TTC39C: variants seen among roughly 807,000 people sequenced by gnomAD.
TTC39C encodes the protein tetratricopeptide repeat protein 39C.
TTC39C carries 33 observed loss-of-function variants against 76.3 expected under a neutral mutation model. That is an observed-to-expected ratio of 0.43 (90% CI 0.33 to 0.58). TTC39C has a LOEUF of 0.58. Among genes scored for constraint, TTC39C ranks in the 20% least tolerant of loss-of-function variants. The probability of loss-of-function intolerance (pLI) is 0.04; values close to 1 mark genes in which losing one functional copy is unlikely to be tolerated. For synonymous variants in TTC39C, 254 were observed against 260.6 expected (o/e 0.97, Z 0.24); for missense variants, 595 against 701.4 (o/e 0.85, Z 1.71).
intron 1 of TTC39C, among the ~76,000 whole-genome samples, chr18:24,046,541 C>T (rs1347551611): frequency 5.3e-5 from 8 of 151,780 alleles, no homozygotes; most frequent in Non-Finnish European, 1.2e-4. Flanking sequence ...TCCAGCACAC[C>T]AGAGTAAGCA....
At chr18:24,118,323 G>A (rs1304976230) in intron 8 of TTC39C, 91 bp downstream of exon 8, 3 of 978,214 alleles carry the variant, frequency 3.1e-6, no homozygotes, top group Non-Finnish European at 4.6e-6. Flanking sequence ...GCAAGAGGAA[G>A]CAAAAGTTGT....
At chr18:24,117,020 GT>G (rs978817223) in intron 7 of TTC39C, among the ~76,000 whole-genome samples, 2 of 151,678 alleles carry the variant, frequency 1.3e-5, no homozygotes, top group Non-Finnish European at 2.9e-5. Context: ...GTTTCACCGT[GT>G]TGCCTAAGCT....
At chr18:24,008,321 T>C (rs1396441820) in intron 1 of TTC39C, among the ~76,000 whole-genome samples, 10 of 152,206 alleles carry the variant, frequency 6.6e-5, no homozygotes, top group Non-Finnish European at 1.5e-4. Flanking sequence ...CAAAATAGAT[T>C]CATATACTTT....
At chr18:24,126,745 T>A (rs558744423) in intron 10 of TTC39C, among the ~76,000 whole-genome samples, 1 of 151,992 alleles carries the variant, frequency 6.6e-6, no homozygotes, top group Non-Finnish European at 1.5e-5. Context: ...ACTCCTGGGC[T>A]CAAGTGGTCC....
intron 4 of TTC39C, among the ~76,000 whole-genome samples, chr18:24,071,533 T>G (rs1261930826): frequency 6.6e-6 from 1 of 152,214 alleles, no homozygotes; most frequent in Non-Finnish European, 1.5e-5. Flanking sequence ...TTTCTCTAAT[T>G]TTTTGCAAAA....
At chr18:24,029,703 C>T (rs185838722) in intron 1 of TTC39C, among the ~76,000 whole-genome samples, 1 of 151,642 alleles carries the variant, frequency 6.6e-6, no homozygotes, top group Admixed American at 6.6e-5. Context: ...CATTGTTATG[C>T]CTTTGTGTCC....
chr18:24,107,384 C>G (rs1471080778), intron 6 of TTC39C, among the ~76,000 whole-genome samples: 1 of 152,116 alleles, frequency 6.6e-6, no homozygotes, highest in African/African-American at 2.4e-5. Flanking sequence ...CCTATTCTAA[C>G]TGATATGTTC....
chr18:24,029,689 T>TTG (rs10634038), intron 1 of TTC39C, among the ~76,000 whole-genome samples: 143,509 of 151,980 alleles, frequency 0.94, 68,152 homozygotes, highest in East Asian at 1. Context: ...CCAAAGTCTA[T>TTG]TGTCATTGTT....
chr18:24,016,005 C>G (rs1029764084), intron 1 of TTC39C, among the ~76,000 whole-genome samples: 9 of 152,170 alleles, frequency 5.9e-5, no homozygotes, highest in Admixed American at 5.2e-4. Flanking sequence ...TATGGAGACC[C>G]TGTAGTTTGG....
At chr18:24,061,279 C>T (rs1427106882) in intron 1 of TTC39C, among the ~76,000 whole-genome samples, 3 of 150,984 alleles carry the variant, frequency 2.0e-5, no homozygotes, top group Non-Finnish European at 4.4e-5. Context: ...TTCACTCACT[C>T]CATTTTTTGT....
intron 1 of TTC39C, among the ~76,000 whole-genome samples, chr18:23,998,330 A>C (rs1027892710): frequency 3.3e-5 from 5 of 152,202 alleles, no homozygotes; most frequent in Non-Finnish European, 7.3e-5. Context: ...ACCTAATTTT[A>C]AACAGAAACT....
chr18:24,029,013 G>A (rs537897516), intron 1 of TTC39C, among the ~76,000 whole-genome samples: 22 of 152,030 alleles, frequency 1.4e-4, no homozygotes, highest in Admixed American at 9.8e-4. Flanking sequence ...ATGGGCCACC[G>A]CGCCCCTACG....
At chr18:24,095,967 GCT>G (rs1305196445) in intron 6 of TTC39C, among the ~76,000 whole-genome samples, 2 of 152,210 alleles carry the variant, frequency 1.3e-5, no homozygotes, top group African/African-American at 2.4e-5. Context: ...AGGGGGAATG[GCT>G]GGTTAGTGGA....
At chr18:24,057,807 A>G (rs2084035712) in intron 1 of TTC39C, among the ~76,000 whole-genome samples, 2 of 152,184 alleles carry the variant, frequency 1.3e-5, no homozygotes, top group African/African-American at 4.8e-5. Flanking sequence ...TAATCCCATG[A>G]TTGGGTATAT....
rs569461817 is a variant in TTC39C at position 23,998,684 on chromosome 18, A to G, written c.-17+5646A>G. On this transcript the variant is annotated intron_variant, in intron 1 of 13. Coordinates refer to the TTC39C transcript ENST00000304621. ...AGAAACTATAAGAATTTATAAAGGT[A>G]TTTACACATCCCTGAATAGCCTAAC... is the stretch of plus-strand genomic sequence containing the variant. Among the ~76,000 whole-genome samples, 102 of 152,324 alleles carry G rather than the reference A, an allele frequency of 6.7e-4. No homozygotes were observed. In the Middle Eastern group the frequency reaches 0.02, roughly 30 times the overall value.
intron 1 of TTC39C, among the ~76,000 whole-genome samples, chr18:24,020,491 A>G (rs1279267657): frequency 1.3e-5 from 2 of 152,222 alleles, no homozygotes; most frequent in African/African-American, 4.8e-5. Flanking sequence ...ATATGTAGTT[A>G]TCCCTCAGTA....
chr18:24,102,778 G>C (rs2084694548), intron 6 of TTC39C, among the ~76,000 whole-genome samples: 1 of 152,162 alleles, frequency 6.6e-6, no homozygotes, highest in African/African-American at 2.4e-5. Flanking sequence ...ATGATGATGA[G>C]ACCGGGATAA....
At chr18:24,079,781 T>C (rs572412607) in intron 4 of TTC39C, among the ~76,000 whole-genome samples, 2 of 149,192 alleles carry the variant, frequency 1.3e-5, no homozygotes, top group Non-Finnish European at 3.0e-5. Context: ...CAATGCTTGG[T>C]GCTTGGGTAT....
intron 1 of TTC39C, among the ~76,000 whole-genome samples, chr18:24,045,996 C>T (rs1193199335): frequency 7.2e-5 from 9 of 125,524 alleles, no homozygotes; most frequent in South Asian, 5.6e-4. Context: ...TGGAGTGCGA[C>T]GGCACAATCT....
Sources: allele counts gnomAD v4.1 joint callset (sites outside exome capture counted in the v4.1 genomes callset), GRCh38; gene constraint gnomAD v4.1.1; transcripts MANE v1.5; gene names NCBI Gene and HGNC (gene_info 2026-07-23, HGNC 2026-07-21).